AMIGO1: variants seen among roughly 807,000 people sequenced by gnomAD.
The protein encoded by AMIGO1 is amphoterin-induced protein 1.
For missense variants in AMIGO1, 361 were observed against 612.3 expected (o/e 0.59, Z 4.33); for synonymous variants, 249 against 266.3 (o/e 0.93, Z 0.63).
In AMIGO1 at chr1:109,508,726, T is replaced by C; in HGVS notation, c.187A>G (p.Thr63Ala). The change falls in exon 2 of 2, where the codon ACA (threonine) becomes GCA (alanine). Residue 63 changes from threonine (T) to alanine (A), a missense_variant. Coordinates refer to ENST00000369864, the MANE Select transcript of AMIGO1 (RefSeq NM_020703.4). The surrounding 1 kb of genome is among the most constrained non-coding windows in gnomAD (Gnocchi z 7.8). ...TTGTGACTGAGGTCCAGTAGTGCTG[T>C]GTAACTGGGCAAGGAATGGGGCACA... is the stretch of plus-strand genomic sequence containing the variant. The part of the protein sequence containing the change: ...PNVPHSLPSY[T>A]ALLDLSHNNL... 6.2e-7 allele frequency: 1 copy of C among 1,613,824 alleles called. No homozygotes were observed. The highest frequency in any genetic ancestry group is 8.5e-7 in the Non-Finnish European group (1 of 1,179,902).
Position 109,508,942 on chromosome 1 carries a change from CAAGG to C in AMIGO1, c.-34_-31del. 1 of 1,493,328 alleles carries C rather than the reference CAAGG, an allele frequency of 6.7e-7. No individual in the cohort carries two copies. Among genetic ancestry groups the C allele is most frequent in the Non-Finnish European group, 8.9e-7 (1 of 1,120,602 alleles). 92.5% of individuals were successfully genotyped at this position (1,493,328 alleles called of 1,614,324 possible). On this transcript the variant is annotated 5_prime_UTR_variant, in exon 2 of 2. Transcript: ENST00000369864. This position sits in a 1 kb window ranked among gnomAD's most constrained non-coding sequence, Gnocchi z 7.8. The stretch of plus-strand genomic sequence containing the variant: ...TCACTGGAGTGGGCGAGGAAGGCCA[CAAGG>C]AAGATCTGGGAGGAGGTCACCCGGG...
In AMIGO1 at chr1:109,505,142, A is replaced by G. The variant is rs973726108; in HGVS notation, c.*2289T>C. On this transcript the variant is annotated 3_prime_UTR_variant, in exon 2 of 2. Transcript: ENST00000369864. ...TGCCAGTTTCCTTCTGAGTCCTTCA[A>G]TGACCTAGTTCTATCTTAATTGCTC... is the stretch of plus-strand genomic sequence containing the variant. 1 of 152,192 alleles carries G rather than the reference A, an allele frequency of 6.6e-6. No homozygotes were observed. Among genetic ancestry groups the G allele is most frequent in the Non-Finnish European group, 1.5e-5 (1 of 68,048 alleles). The allele number at this position is 152,192 out of a possible 1,614,324, so 9.4% of individuals were successfully genotyped here.
In AMIGO1 at chr1:109,507,765, C is replaced by T. The variant is rs1329228013; in HGVS notation, c.1148G>A (p.Ser383Asn). The change falls in exon 2 of 2, where the codon AGT becomes AAT. Residue 383 changes from serine (S) to asparagine (N), a missense_variant. By Grantham distance (46) the Ser-to-Asn change is conservative. Transcript: ENST00000369864. This position sits in a 1 kb window ranked among gnomAD's most constrained non-coding sequence, Gnocchi z 4.7. Reference sequence around the variant, plus strand: ...TAGGTATATGAGGACCAGGACCACACTAAGGATACAGCCCACTAGGGTGGT... The same window carrying T: ...TAGGTATATGAGGACCAGGACCACATTAAGGATACAGCCCACTAGGGTGGT... ...AYTTLVGCIL[S>N]VVLVLIYLYL... 6.2e-7 allele frequency: 1 copy of T among 1,614,112 alleles called. No homozygotes were observed. The highest frequency in any genetic ancestry group is 8.5e-7 in the Non-Finnish European group (1 of 1,180,030).
At chr1:109,509,140 G>C (rs1273836768) in intron 1 of AMIGO1, 141 bp from the exon 2 acceptor site, 1 of 583,942 alleles carries the variant, frequency 1.7e-6, no homozygotes, top group Non-Finnish European at 3.0e-6. Flanking sequence ...GCACTGTGCA[G>C]GCAGTGGGCT....
rs1299382808 is a variant in AMIGO1 at position 109,508,469 on chromosome 1, C to G, written c.444G>C (p.Ala148=). Residue 148 remains alanine (A), a synonymous_variant, in exon 2 of 2, where the codon GCG becomes GCC. Transcript: ENST00000369864. The surrounding 1 kb of genome is among the most constrained non-coding windows in gnomAD (Gnocchi z 7.8). ...VLLLYNNHIM[A]VDRCAFDDMA... is the part of the protein sequence containing the mutation. ...TGTCATCGAAGGCGCACCGGTCCAC[C>G]GCCATGATGTGGTTATTGTAGAGCA... 1 of 1,614,104 alleles carries G rather than the reference C, an allele frequency of 6.2e-7. No individual in the cohort carries two copies. The highest frequency in any genetic ancestry group is 8.5e-7 in the Non-Finnish European group (1 of 1,180,042).
Position 109,507,299 on chromosome 1 carries a change from C to T in AMIGO1, c.*132G>A. 1 of 1,310,274 alleles carries T rather than the reference C, an allele frequency of 7.6e-7. No individual in the cohort carries two copies. The highest frequency in any genetic ancestry group is 1.0e-6 in the Non-Finnish European group (1 of 958,366). The allele number at this position is 1,310,274 out of a possible 1,614,324, so 81.2% of individuals were successfully genotyped here. A position where few individuals can be genotyped will look rare whatever the true frequency, so the allele number is the denominator to read the frequency against. ...GTTTGGGGTCTTGCTCTCTGTTGTA[C>T]CTGGGACCAATTCCCTTGAGGTCAG... On this transcript the variant is annotated 3_prime_UTR_variant, in exon 2 of 2. Coordinates refer to ENST00000369864, the MANE Select transcript of AMIGO1 (RefSeq NM_020703.4). This position sits in a 1 kb window ranked among gnomAD's most constrained non-coding sequence, Gnocchi z 4.7.
At position 109,507,354 on chromosome 1, in the gene AMIGO1, C is replaced by T; in HGVS notation, c.*77G>A. On this transcript the variant is annotated 3_prime_UTR_variant, in exon 2 of 2. Coordinates refer to ENST00000369864, the MANE Select transcript of AMIGO1 (RefSeq NM_020703.4). This position sits in a 1 kb window ranked among gnomAD's most constrained non-coding sequence, Gnocchi z 4.7. ...AATCCATTCCCTTGGGCAGCCAGCC[C>T]TCTCTTCCATCCCCTCATATCCTTC... is the stretch of plus-strand genomic sequence containing the variant. The T allele has an allele frequency of 6.6e-7, 1 of 1,517,154 alleles. No individual in the cohort carries two copies. The highest frequency in any genetic ancestry group is 8.8e-7 in the Non-Finnish European group (1 of 1,130,668). 94.0% of individuals were successfully genotyped at this position (1,517,154 alleles called of 1,614,324 possible). A position where few individuals can be genotyped will look rare whatever the true frequency, so the allele number is the denominator to read the frequency against.
chr1:109,509,334 G>C (rs999017418), intron 1 of AMIGO1, 86 bp downstream of exon 1: 2 of 185,898 alleles, frequency 1.1e-5, no homozygotes, highest in Middle Eastern at 2.6e-3. Context: ...ACAGGGCACC[G>C]GGCTGGGTAG....
rs1280374486 is a variant in AMIGO1 at position 109,508,907 on chromosome 1, G to A, written c.6C>T (p.His2=). 1 of 1,556,566 alleles carries A rather than the reference G, an allele frequency of 6.4e-7. No homozygotes were observed. The highest frequency in any genetic ancestry group is 8.7e-7 in the Non-Finnish European group (1 of 1,151,200). M[H]PHRDPRGLWL... ...AGAGGCCTCTCGGGTCACGGTGGGG[G>A]TGCATAGTGTCACTGGAGTGGGCGA... The change falls in exon 2 of 2, where the codon CAC becomes CAT. Residue 2 remains histidine, a synonymous_variant. Transcript: ENST00000369864. The surrounding 1 kb of genome is among the most constrained non-coding windows in gnomAD (Gnocchi z 7.8).
Position 109,508,541 on chromosome 1 carries a change from T to A in AMIGO1, c.372A>T (p.Thr124=). Residue 124 remains threonine, a synonymous_variant, in exon 2 of 2, where the codon ACA becomes ACT. Transcript: ENST00000369864. This position sits in a 1 kb window ranked among gnomAD's most constrained non-coding sequence, Gnocchi z 7.8. ...GGTCACTGAACAGGAACTCATCCAG[T>A]GTACGCAGCTGGTTGGAGGAGAGGT... ...YLDLSSNQLR[T]LDEFLFSDLQ... is the part of the protein sequence containing the mutation. 1 of 1,614,132 alleles carries A rather than the reference T, an allele frequency of 6.2e-7. No homozygotes were observed. The highest frequency in any genetic ancestry group is 2.2e-5 in the East Asian group (1 of 44,862).
In AMIGO1 at chr1:109,506,500, A is replaced by T. The variant is rs561675484; in HGVS notation, c.*931T>A. ...GATTTACCTTCATCCTTCTATCGTG[A>T]AGTGGGCCCATGTACCACGTCTGTG... On this transcript the variant is annotated 3_prime_UTR_variant, in exon 2 of 2. Coordinates refer to ENST00000369864, the MANE Select transcript of AMIGO1 (RefSeq NM_020703.4). 3.0e-4 allele frequency: 45 copies of T among 152,322 alleles called. No homozygotes were observed. Among genetic ancestry groups the T allele is most frequent in the African/African-American group, 8.9e-4 (37 of 41,570 alleles). The allele number at this position is 152,322 out of a possible 1,614,324, so 9.4% of individuals were successfully genotyped here.
Position 109,508,502 on chromosome 1 carries a change from C to T in AMIGO1, c.411G>A (p.Glu137=), listed in dbSNP as rs373897290. ...EFLFSDLQVL[E]VLLLYNNHIM... ...TGTGGTTATTGTAGAGCAGCAGCAC[C>T]TCCAGTACTTGCAGGTCACTGAACA... Residue 137 remains glutamate, a synonymous_variant, in exon 2 of 2, where the codon GAG becomes GAA. Transcript: ENST00000369864. This position sits in a 1 kb window ranked among gnomAD's most constrained non-coding sequence, Gnocchi z 7.8. 3.1e-6 allele frequency: 5 copies of T among 1,614,200 alleles called. No individual in the cohort carries two copies. In the East Asian group the frequency reaches 6.7e-5, roughly 22 times the overall value.
chr1:109,508,676 C>G lies in AMIGO1; in HGVS notation c.237G>C (p.Glu79Asp). 6.2e-7 allele frequency: 1 copy of G among 1,614,152 alleles called. No homozygotes were observed. Residue 79 changes from glutamate to aspartate, a missense_variant, in exon 2 of 2, where the codon GAG (glutamate) becomes GAC (aspartate). Glu to Asp is a conservative substitution (Grantham distance 45). Coordinates refer to ENST00000369864, the MANE Select transcript of AMIGO1 (RefSeq NM_020703.4). This position sits in a 1 kb window ranked among gnomAD's most constrained non-coding sequence, Gnocchi z 7.8. ...SHNNLSRLRA[E>D]WTPTRLTQLH... ...GTTGGGTCAGGCGCGTGGGGGTCCA[C>G]TCGGCCCGCAGGCGGCTCAGGTTGT... is the stretch of plus-strand genomic sequence containing the variant.
chr1:109,507,378 T>G lies in AMIGO1; in HGVS notation c.*53A>C. 6.5e-7 allele frequency: 1 copy of G among 1,546,098 alleles called. No individual in the cohort carries two copies. The highest frequency in any genetic ancestry group is 8.7e-7 in the Non-Finnish European group (1 of 1,144,440). On this transcript the variant is annotated 3_prime_UTR_variant, in exon 2 of 2. Coordinates refer to ENST00000369864, the MANE Select transcript of AMIGO1 (RefSeq NM_020703.4). The surrounding 1 kb of genome is among the most constrained non-coding windows in gnomAD (Gnocchi z 4.7). ...CCTCTCTTCCATCCCCTCATATCCT[T>G]CAGGGGTGCATTACCTCTCCTGGGG...
chr1:109,508,132 T>C lies in AMIGO1; in HGVS notation c.781A>G (p.Asn261Asp). The change falls in exon 2 of 2, where the codon AAT (asparagine) becomes GAT (aspartate). Residue 261 changes from asparagine (N) to aspartate (D), a missense_variant. Transcript: ENST00000369864. This position sits in a 1 kb window ranked among gnomAD's most constrained non-coding sequence, Gnocchi z 7.8. Reference protein sequence around the residue: ...LYCMNSKKLHNVFNLSFLNCG... With the variant: ...LYCMNSKKLHDVFNLSFLNCG... ...TTGAGGAAACTCAGGTTGAAGACAT[T>C]GTGCAGCTTCTTGGAGTTCATGCAG... 1 of 1,614,208 alleles carries C rather than the reference T, an allele frequency of 6.2e-7. No individual in the cohort carries two copies. Among genetic ancestry groups the C allele is most frequent in the Non-Finnish European group, 8.5e-7 (1 of 1,180,044 alleles).
At position 109,507,358 on chromosome 1, in the gene AMIGO1, C is replaced by A. The variant is rs1658049621; in HGVS notation, c.*73G>T. Reference sequence around the variant, plus strand: ...CATTCCCTTGGGCAGCCAGCCCTCTCTTCCATCCCCTCATATCCTTCAGGG... The same window carrying A: ...CATTCCCTTGGGCAGCCAGCCCTCTATTCCATCCCCTCATATCCTTCAGGG... On this transcript the variant is annotated 3_prime_UTR_variant, in exon 2 of 2. Coordinates refer to ENST00000369864, the MANE Select transcript of AMIGO1 (RefSeq NM_020703.4). This position sits in a 1 kb window ranked among gnomAD's most constrained non-coding sequence, Gnocchi z 4.7. 6.6e-7 allele frequency: 1 copy of A among 1,520,364 alleles called. No homozygotes were observed. The highest frequency in any genetic ancestry group is 2.3e-5 in the East Asian group (1 of 44,064). 94.2% of individuals were successfully genotyped at this position (1,520,364 alleles called of 1,614,324 possible). A position where few individuals can be genotyped will look rare whatever the true frequency, so the allele number is the denominator to read the frequency against.
chr1:109,508,998 CA>C lies in AMIGO1; in HGVS notation c.-87del. 2 of 1,402,952 alleles carry C rather than the reference CA, an allele frequency of 1.4e-6. No individual in the cohort carries two copies. Among genetic ancestry groups the C allele is most frequent in the Non-Finnish European group, 1.9e-6 (2 of 1,057,828 alleles). 86.9% of individuals were successfully genotyped at this position (1,402,952 alleles called of 1,614,324 possible). On this transcript the variant is annotated splice_region_variant and 5_prime_UTR_variant, in exon 2 of 2. Coordinates refer to ENST00000369864, the MANE Select transcript of AMIGO1 (RefSeq NM_020703.4). The surrounding 1 kb of genome is among the most constrained non-coding windows in gnomAD (Gnocchi z 7.8). ...ATGTTCTGGTGGGGTACGGAAGGGT[CA>C]CTTGAGAGAAAGAGGATGGGTTTGT...
rs775998945 is a variant in AMIGO1 at position 109,508,247 on chromosome 1, G to A, written c.666C>T (p.Pro222=). The A allele has an allele frequency of 1.2e-6, 2 of 1,614,090 alleles. No homozygotes were observed. The highest frequency in any genetic ancestry group is 1.7e-5 in the Admixed American group (1 of 60,026). ...GGTAGAGCTCACAGTCGCAGTTCAG[G>A]GGGTTGTTATGTAGGTACAGCCCAT... ...IKNGLYLHNN[P]LNCDCELYQL... is the part of the protein sequence containing the mutation. The change falls in exon 2 of 2, where the codon CCC becomes CCT. Residue 222 remains proline (P), a synonymous_variant. Transcript: ENST00000369864. The surrounding 1 kb of genome is among the most constrained non-coding windows in gnomAD (Gnocchi z 7.8).
rs929126006 is a variant in AMIGO1, at chr1:109,505,990, ATTC to A, written c.*1438_*1440del. ...TTGGATGGAATGGAATGTTGAGCTC[ATTC>A]TTCTTAAGTTCCTCTGGCCTCACAA... On this transcript the variant is annotated 3_prime_UTR_variant, in exon 2 of 2. Coordinates refer to ENST00000369864, the MANE Select transcript of AMIGO1 (RefSeq NM_020703.4). The A allele has an allele frequency of 4.6e-5, 7 of 152,318 alleles. No individual in the cohort carries two copies. The South Asian group carries it at 6.2e-4, about 14-fold the overall frequency. The allele number at this position is 152,318 out of a possible 1,614,324, so 9.4% of individuals were successfully genotyped here. A position where few individuals can be genotyped will look rare whatever the true frequency, so the allele number is the denominator to read the frequency against.
Sources: allele counts gnomAD v4.1 joint callset, GRCh38; gene constraint gnomAD v4.1.1; non-coding constraint Gnocchi (gnomAD v3.1); transcripts MANE v1.5; gene names NCBI Gene and HGNC (gene_info 2026-07-23, HGNC 2026-07-21).